SGCD: variants seen among roughly 807,000 people sequenced by gnomAD.
The protein encoded by SGCD is delta-sarcoglycan.
A neutral mutation model predicts 36.6 loss-of-function variants in SGCD; 18 were observed. That is an observed-to-expected ratio of 0.49 (90% CI 0.34 to 0.73). The LOEUF (loss-of-function observed/expected upper bound fraction) is 0.73. SGCD is among the 30% of genes least tolerant of loss of function. SGCD has a pLI of 0.01. For synonymous variants in SGCD, 133 were observed against 130.6 expected (o/e 1.02, Z -0.12); for missense variants, 387 against 346.7 (o/e 1.12, Z -0.92).
chr5:156,212,730 C>G (rs1372461823), intron 3 of SGCD, among the ~76,000 whole-genome samples: 1 of 151,980 alleles, frequency 6.6e-6, no homozygotes, highest in Non-Finnish European at 1.5e-5. Flanking sequence ...AACATTTTCT[C>G]GGATAGATCA....
intron 3 of SGCD, among the ~76,000 whole-genome samples, chr5:156,458,122 A>G (rs1754334108): frequency 6.6e-6 from 1 of 152,130 alleles, no homozygotes; most frequent in South Asian, 2.1e-4. Context: ...TGATCCCCAC[A>G]GGTTCCCAGA....
the SGCD span, among the ~76,000 whole-genome samples, chr5:155,841,514 A>T: frequency 2.6e-4 from 40 of 152,224 alleles, 1 homozygote; most frequent in Admixed American, 2.6e-3. Context: ...TTTAAAGTCC[A>T]TTTGCATTTT....
intron 7 of SGCD, among the ~76,000 whole-genome samples, chr5:156,655,712 C>T (rs1763645336): frequency 6.6e-6 from 1 of 152,034 alleles, no homozygotes; most frequent in Non-Finnish European, 1.5e-5. Flanking sequence ...GCACTGTAAC[C>T]ATCCCTTGAA....
chr5:156,411,266 G>A (rs1051130653), intron 3 of SGCD, among the ~76,000 whole-genome samples: 12 of 152,172 alleles, frequency 7.9e-5, no homozygotes, highest in Non-Finnish European at 4.4e-5. Context: ...TCTTCAAGAT[G>A]TTCCATCTGC....
intron 3 of SGCD, among the ~76,000 whole-genome samples, chr5:156,422,342 GT>G (rs1319616089): frequency 1.3e-5 from 2 of 151,712 alleles, no homozygotes; most frequent in African/African-American, 2.4e-5. Flanking sequence ...TTTTGTTTTT[GT>G]TTTTTTTCTT....
intron 3 of SGCD, among the ~76,000 whole-genome samples, chr5:156,434,286 A>T (rs1450471973): frequency 6.6e-6 from 1 of 152,206 alleles, no homozygotes; most frequent in Non-Finnish European, 1.5e-5. Flanking sequence ...TGATTGGAGT[A>T]AGGCAAAACT....
intron 7 of SGCD, among the ~76,000 whole-genome samples, chr5:156,648,582 AAGGAAG>A (rs1486885092): frequency 6.6e-6 from 1 of 152,114 alleles, no homozygotes; most frequent in African/African-American, 2.4e-5. Context: ...AATTGGGCCA[AAGGAAG>A]AGGATAGTTG....
intron 3 of SGCD, among the ~76,000 whole-genome samples, chr5:156,369,383 C>T (rs1198320182): frequency 1.3e-5 from 2 of 152,192 alleles, no homozygotes; most frequent in South Asian, 4.1e-4. Context: ...AAACAATCCA[C>T]TTAGAGTTCT....
chr5:156,118,015 A>G (rs1182461647), intron 2 of SGCD: 1 of 152,110 alleles, frequency 6.6e-6, no homozygotes, highest in Non-Finnish European at 1.5e-5. Context: ...TGTGTTGGGT[A>G]TCTAGAGATA....
At chr5:156,575,932 AT>A (rs1175093387) in intron 4 of SGCD, among the ~76,000 whole-genome samples, 1 of 152,060 alleles carries the variant, frequency 6.6e-6, no homozygotes, top group Non-Finnish European at 1.5e-5. Context: ...GGGAGCTCAA[AT>A]TTTTTTAATA....
chr5:155,993,912 A>G (rs1161906569), intron 1 of SGCD, among the ~76,000 whole-genome samples: 3 of 152,180 alleles, frequency 2.0e-5, no homozygotes, highest in Non-Finnish European at 4.4e-5. Flanking sequence ...ACAGACATGA[A>G]AGTCCACCAA....
At chr5:155,918,477 C>T (rs944954284) in intron 1 of SGCD, among the ~76,000 whole-genome samples, 3 of 152,146 alleles carry the variant, frequency 2.0e-5, no homozygotes, top group Admixed American at 1.3e-4. Flanking sequence ...GCAGGAGAAT[C>T]GCTAGAACCT....
chr5:156,286,898 A>G (rs1766615097), intron 3 of SGCD, among the ~76,000 whole-genome samples: 1 of 152,090 alleles, frequency 6.6e-6, no homozygotes, highest in East Asian at 1.9e-4. Context: ...TGGTAATAAG[A>G]AGGGAAATTT....
At chr5:156,544,874 G>A (rs1421989615) in intron 4 of SGCD, among the ~76,000 whole-genome samples, 1 of 152,074 alleles carries the variant, frequency 6.6e-6, no homozygotes, top group Non-Finnish European at 1.5e-5. Flanking sequence ...TCATTTATGA[G>A]GAAAGGAAAC....
At chr5:155,805,695 A>G in the SGCD span, among the ~76,000 whole-genome samples, 15 of 152,334 alleles carry the variant, frequency 9.8e-5, no homozygotes, top group East Asian at 2.9e-3. Flanking sequence ...GTGTTGCACG[A>G]AAGCTACAGC....
the SGCD span, among the ~76,000 whole-genome samples, chr5:155,800,343 G>T: frequency 6.6e-6 from 1 of 152,050 alleles, no homozygotes; most frequent in Non-Finnish European, 1.5e-5. Context: ...TTTTCCAAGT[G>T]TTTCTTTCAA....
At chr5:156,347,991 T>G (rs529732955) in intron 3 of SGCD, among the ~76,000 whole-genome samples, 1 of 152,186 alleles carries the variant, frequency 6.6e-6, no homozygotes, top group Non-Finnish European at 1.5e-5. Context: ...CAATAATGCA[T>G]TTGAGCAAAT....
chr5:155,957,788 T>C (rs1757694226), intron 1 of SGCD, among the ~76,000 whole-genome samples: 1 of 152,150 alleles, frequency 6.6e-6, no homozygotes, highest in Admixed American at 6.5e-5. Context: ...TTAGTTCTCC[T>C]TTGCTATGCA....
At chr5:156,007,582 A>G (rs1758781588) in intron 1 of SGCD, among the ~76,000 whole-genome samples, 1 of 152,156 alleles carries the variant, frequency 6.6e-6, no homozygotes, top group Non-Finnish European at 1.5e-5. Context: ...TTAAACATCT[A>G]TCCATATTAA....
Sources: allele counts gnomAD v4.1 joint callset (sites outside exome capture counted in the v4.1 genomes callset), GRCh38; gene constraint gnomAD v4.1.1; transcripts MANE v1.5; gene names NCBI Gene and HGNC (gene_info 2026-07-23, HGNC 2026-07-21).